Variants in GMDS observed in about 807,000 individuals in gnomAD.
GMDS encodes the protein GDP-mannose 4,6 dehydratase.
A neutral mutation model predicts 49.9 loss-of-function variants in GMDS; 20 were observed. That is an observed-to-expected ratio of 0.40 (90% CI 0.28 to 0.58). The LOEUF is 0.58. GMDS is among the 20% of genes least tolerant of loss of function. The probability of loss-of-function intolerance (pLI) is 0.42; values close to 1 mark genes in which losing one functional copy is unlikely to be tolerated. For synonymous variants in GMDS, 177 were observed against 178.6 expected, an observed-to-expected ratio of 0.99 and a Z score of 0.07; for missense variants, 362 against 481.4, an observed-to-expected ratio of 0.75 and a Z score of 2.32.
intron 6 of GMDS, among the ~76,000 whole-genome samples, chr6:1,931,819 TG>T (rs535483599): frequency 9.7e-4 from 148 of 152,330 alleles, no homozygotes; most frequent in Non-Finnish European, 1.7e-3. Flanking sequence ...GGGAGTCCAA[TG>T]GAAGTATTTG....
rs559205378 is a variant in GMDS, at chr6:1,739,887, CCATT to C, written c.890+2577_890+2580del. On this transcript the variant is annotated intron_variant, in intron 8 of 10. Coordinates refer to ENST00000380815, the MANE Select transcript of GMDS (RefSeq NM_001500.4). ...GAAGAACTCTGACTGCTGGGAAAGT[CCATT>C]CACTTTTCTCCCTTTCCTAATATAG... Among the ~76,000 whole-genome samples, 17 of 152,332 alleles carry C rather than the reference CCATT, an allele frequency of 1.1e-4. No individual in the cohort carries two copies. The South Asian group carries it at 1.4e-3, about 13-fold the overall frequency.
At chr6:1,930,307 T>C in intron 6 of GMDS, 77 bp from the exon 7 acceptor site, 2 of 1,244,298 alleles carry the variant, frequency 1.6e-6, no homozygotes, top group Non-Finnish European at 2.3e-6. Context: ...AAACCCGATT[T>C]CGGCCTCTGG....
intron 1 of GMDS, among the ~76,000 whole-genome samples, chr6:2,145,170 A>G (rs1002856980): frequency 7.2e-5 from 11 of 152,238 alleles, no homozygotes; most frequent in African/African-American, 2.7e-4. Context: ...AGCACTAAGT[A>G]TAGTGTAAGC....
intron 1 of GMDS, among the ~76,000 whole-genome samples, chr6:2,178,695 C>T (rs1331152594): frequency 6.6e-6 from 1 of 152,114 alleles, no homozygotes; most frequent in African/African-American, 2.4e-5. Context: ...TTGTAACACA[C>T]CTGTGTATGT....
chr6:1,764,046 TCTC>T (rs1768257145), intron 7 of GMDS, among the ~76,000 whole-genome samples: 1 of 151,490 alleles, frequency 6.6e-6, no homozygotes. Context: ...GTCCGGTACA[TCTC>T]CTCGTAGTGC....
chr6:1,996,117 CTCCTCCT>C (rs371238904), intron 4 of GMDS, among the ~76,000 whole-genome samples: 10 of 151,090 alleles, frequency 6.6e-5, no homozygotes, highest in East Asian at 5.8e-4. Context: ...CTTCTCCTTC[CTCCTCCT>C]TCCTCCTTCC....
intron 9 of GMDS, among the ~76,000 whole-genome samples, chr6:1,718,358 C>T (rs1766247200): frequency 6.6e-6 from 1 of 152,192 alleles, no homozygotes; most frequent in Non-Finnish European, 1.5e-5. Flanking sequence ...AGTCTTCTCG[C>T]TGGATCTCTG....
chr6:1,773,526 G>A (rs1468758340), intron 7 of GMDS, among the ~76,000 whole-genome samples: 1 of 152,238 alleles, frequency 6.6e-6, no homozygotes, highest in Non-Finnish European at 1.5e-5. Context: ...CCCTTGGGCA[G>A]GTGCGTGCAC....
At chr6:2,037,830 A>G (rs1769394966) in intron 4 of GMDS, among the ~76,000 whole-genome samples, 1 of 152,196 alleles carries the variant, frequency 6.6e-6, no homozygotes, top group African/African-American at 2.4e-5. Context: ...AGGAGCCTGA[A>G]AGGAAGACAT....
At chr6:2,114,887 T>C (rs1471668079) in intron 4 of GMDS, among the ~76,000 whole-genome samples, 3 of 152,058 alleles carry the variant, frequency 2.0e-5, no homozygotes, top group Non-Finnish European at 2.9e-5. Flanking sequence ...TACAGAAAAA[T>C]AGCCAATCAC....
At chr6:2,126,403 T>G (rs1396655136) in intron 1 of GMDS, among the ~76,000 whole-genome samples, 2 of 152,096 alleles carry the variant, frequency 1.3e-5, no homozygotes, top group Non-Finnish European at 2.9e-5. Flanking sequence ...CCTTAGAGCT[T>G]CAAAAGCTCC....
intron 7 of GMDS, among the ~76,000 whole-genome samples, chr6:1,815,173 T>C (rs1261351618): frequency 6.6e-6 from 1 of 152,134 alleles, no homozygotes; most frequent in Non-Finnish European, 1.5e-5. Flanking sequence ...ATTTCAGATT[T>C]TGTCACCCAA....
chr6:1,761,879 G>C (rs571000129), intron 7 of GMDS, among the ~76,000 whole-genome samples: 1 of 152,048 alleles, frequency 6.6e-6, no homozygotes, highest in Admixed American at 6.5e-5. Context: ...TCCATAATTG[G>C]TGAAATTAAA....
At chr6:1,624,793 T>C in intron 9 of GMDS, 1 of 237,816 alleles carries the variant, frequency 4.2e-6, no homozygotes, top group South Asian at 6.0e-5. Context: ...CCTCCACACC[T>C]CTTCTCCCCA....
intron 4 of GMDS, among the ~76,000 whole-genome samples, chr6:2,020,319 ATAAAT>A (rs1475774477): frequency 9.9e-5 from 15 of 151,814 alleles, no homozygotes; most frequent in South Asian, 2.1e-4. Flanking sequence ...AATAAATAAA[ATAAAT>A]TAAATAAATT....
At chr6:1,809,976 G>A (rs1770346267) in intron 7 of GMDS, among the ~76,000 whole-genome samples, 1 of 151,968 alleles carries the variant, frequency 6.6e-6, no homozygotes, top group South Asian at 2.1e-4. Flanking sequence ...ACATTGGAGG[G>A]TTATTTTTAA....
intron 1 of GMDS, among the ~76,000 whole-genome samples, chr6:2,216,347 A>G (rs1780332925): frequency 6.6e-6 from 1 of 152,254 alleles, no homozygotes; most frequent in Admixed American, 6.5e-5. Flanking sequence ...TTCCTACATT[A>G]TAAGTTATTT....
intron 1 of GMDS, among the ~76,000 whole-genome samples, chr6:2,234,027 C>T (rs1219006849): frequency 1.3e-5 from 2 of 152,192 alleles, no homozygotes; most frequent in African/African-American, 4.8e-5. Context: ...ATATTTCAGA[C>T]ACTGCACTAG....
At chr6:1,872,593 C>A (rs1037641821) in intron 7 of GMDS, among the ~76,000 whole-genome samples, 1 of 152,246 alleles carries the variant, frequency 6.6e-6, no homozygotes, top group Non-Finnish European at 1.5e-5. Context: ...AAACAGCCCA[C>A]AAACTGGCTA....
Sources: gnomAD v4.1 joint callset for allele counts (sites outside exome capture counted in the v4.1 genomes callset) on GRCh38, gnomAD v4.1.1 for gene constraint, MANE v1.5 for transcripts, NCBI Gene and HGNC (gene_info 2026-07-23, HGNC 2026-07-21) for gene names.